The following EBAG9 variants were observed in gnomAD, a reference collection of about 807,000 sequenced individuals.
The protein encoded by EBAG9 is estrogen receptor binding site associated antigen 9, also known as receptor-binding cancer antigen expressed on SiSo cells.
EBAG9 carries 16 observed loss-of-function variants against 30.9 expected under a neutral mutation model. The ratio of observed to expected loss-of-function variants is 0.52; its 90% CI spans 0.35 to 0.79. The LOEUF (loss-of-function observed/expected upper bound fraction) is 0.79. Among genes scored for constraint, EBAG9 ranks in the 30% least tolerant of loss-of-function variants. The pLI, the probability that EBAG9 is intolerant of heterozygous loss-of-function variation, is 0.01. For missense variants in EBAG9, 197 were observed against 242.1 expected (o/e 0.81, Z 1.24); for synonymous variants, 93 against 82.8 (o/e 1.12, Z -0.67).
chr8:109,561,604 A>G (rs1821712003), intron 6 of EBAG9, among the ~76,000 whole-genome samples: 1 of 152,104 alleles, frequency 6.6e-6, no homozygotes, highest in Non-Finnish European at 1.5e-5. Flanking sequence ...TTTAAAAGTC[A>G]GATATTTAAA....
rs1476469178 is a variant in EBAG9, at chr8:109,553,865, A to G, written c.84A>G (p.Arg28=). 7 of 1,604,998 alleles carry G rather than the reference A, an allele frequency of 4.4e-6. No homozygotes were observed. The African/African-American group carries it at 5.4e-5, about 12-fold the overall frequency. ...ATAAATTATTTCATTTTTGTTTCAG[A>G]TCTGGCAGAGGACGGAAATTAAGTG... ...VFSFLKRLIC[R]SGRGRKLSGD... is the part of the protein sequence containing the mutation. The change falls in exon 3 of 7, where the codon AGA becomes AGG. Residue 28 remains arginine, a splice_region_variant and synonymous_variant. Coordinates refer to ENST00000337573, the MANE Select transcript of EBAG9 (RefSeq NM_004215.5).
chr8:109,563,559 T>C, intron 6 of EBAG9: 1 of 1,566,678 alleles, frequency 6.4e-7, no homozygotes, highest in East Asian at 2.2e-5. Flanking sequence ...AAAGTATGAT[T>C]AGTAAATACC....
intron 1 of EBAG9, among the ~76,000 whole-genome samples, chr8:109,547,063 G>T (rs964775991): frequency 1.3e-5 from 2 of 151,610 alleles, no homozygotes; most frequent in East Asian, 3.9e-4. Flanking sequence ...GTCCTGCTCT[G>T]TCACCAGGCT....
intron 1 of EBAG9, among the ~76,000 whole-genome samples, chr8:109,545,655 G>A (rs1056547410): frequency 2.0e-5 from 3 of 152,062 alleles, no homozygotes; most frequent in African/African-American, 7.2e-5. Context: ...GAGCCACCGC[G>A]CCCAGCATAG....
intron 2 of EBAG9, among the ~76,000 whole-genome samples, chr8:109,551,208 G>A (rs1189403700): frequency 6.6e-6 from 1 of 151,748 alleles, no homozygotes; most frequent in Admixed American, 6.6e-5. Context: ...GAACTTTGAT[G>A]TATTCGTTTC....
intron 1 of EBAG9, among the ~76,000 whole-genome samples, chr8:109,546,635 A>G (rs1187212657): frequency 6.6e-6 from 1 of 152,052 alleles, no homozygotes; most frequent in Non-Finnish European, 1.5e-5. Flanking sequence ...TTTTTTTGCA[A>G]TTTTTTTAGG....
intron 6 of EBAG9, chr8:109,563,645 T>A: frequency 8.8e-7 from 1 of 1,139,742 alleles, no homozygotes; most frequent in Non-Finnish European, 1.2e-6. Flanking sequence ...GTTACACAGG[T>A]AAACATGTGT....
At chr8:109,562,075 A>G (rs896047552) in intron 6 of EBAG9, among the ~76,000 whole-genome samples, 1 of 152,014 alleles carries the variant, frequency 6.6e-6, no homozygotes, top group East Asian at 1.9e-4. Context: ...AAAAAGATAA[A>G]TCATCTCTTT....
At chr8:109,552,947 C>G (rs12541569) in intron 2 of EBAG9, among the ~76,000 whole-genome samples, 18,778 of 152,116 alleles carry the variant, frequency 0.12, 1,292 homozygotes, top group South Asian at 0.28. Flanking sequence ...AGGAAAAACA[C>G]GCTTGTATCA....
At chr8:109,560,651 C>G (rs1821691680) in intron 5 of EBAG9, among the ~76,000 whole-genome samples, 187 bp from the exon 6 acceptor site, 1 of 152,164 alleles carries the variant, frequency 6.6e-6, no homozygotes, top group Non-Finnish European at 1.5e-5. Context: ...CACTGAAAGT[C>G]ATACATCAGT....
chr8:109,556,877 A>G (rs569999297), intron 4 of EBAG9, 58 bp from the exon 5 acceptor site: 23 of 882,642 alleles, frequency 2.6e-5, no homozygotes, highest in South Asian at 4.9e-5. Context: ...TTGGTTGTCT[A>G]TTTTTATGTA....
chr8:109,544,947 A>G (rs530081537), intron 1 of EBAG9, among the ~76,000 whole-genome samples: 2 of 152,342 alleles, frequency 1.3e-5, no homozygotes, highest in South Asian at 4.1e-4. Context: ...CAGTACATAT[A>G]TAGTATACAA....
intron 1 of EBAG9, among the ~76,000 whole-genome samples, chr8:109,550,045 A>G (rs563764018): frequency 2.6e-5 from 4 of 152,020 alleles, no homozygotes; most frequent in South Asian, 2.1e-4. Context: ...ATGCTATACA[A>G]TTTGCATTTA....
intron 1 of EBAG9, among the ~76,000 whole-genome samples, chr8:109,540,961 C>T (rs1821261380): frequency 6.6e-6 from 1 of 152,092 alleles, no homozygotes; most frequent in Non-Finnish European, 1.5e-5. Context: ...TTGAAAGGAC[C>T]TCTAGCAGTT....
chr8:109,562,377 AGAGT>A (rs1195244642), intron 6 of EBAG9, among the ~76,000 whole-genome samples: 3 of 152,118 alleles, frequency 2.0e-5, no homozygotes, highest in Non-Finnish European at 4.4e-5. Flanking sequence ...ACAGCTTGGG[AGAGT>A]GAGATTGTTA....
At chr8:109,552,477 A>G (rs1821513620) in intron 2 of EBAG9, among the ~76,000 whole-genome samples, 1 of 152,238 alleles carries the variant, frequency 6.6e-6, no homozygotes, top group African/African-American at 2.4e-5. Context: ...GAAATTCACC[A>G]GGTAAAGCAA....
At position 109,565,570 on chromosome 8, in the gene EBAG9, A is replaced by C. The variant is rs1174895184; in HGVS notation, c.*1011A>C. 6.6e-6 allele frequency: 1 copy of C among 152,118 alleles called. No individual in the cohort carries two copies. The highest frequency in any genetic ancestry group is 1.5e-5 in the Non-Finnish European group (1 of 67,970). The allele number at this position is 152,118 out of a possible 1,614,324, so 9.4% of individuals were successfully genotyped here. The stretch of plus-strand genomic sequence containing the variant: ...TTATGATGTTGATTGGCTCCAAAAT[A>C]GTCTTAAGGAAATAAATACTGGGTC... On this transcript the variant is annotated 3_prime_UTR_variant, in exon 7 of 7. Transcript: ENST00000337573.
chr8:109,546,907 T>A (rs1196175680), intron 1 of EBAG9, among the ~76,000 whole-genome samples: 1 of 152,238 alleles, frequency 6.6e-6, no homozygotes, highest in African/African-American at 2.4e-5. Flanking sequence ...TCTGTTGTAT[T>A]TATATACTAC....
intron 4 of EBAG9, 75 bp from the exon 5 acceptor site, chr8:109,556,860 A>G: frequency 1.5e-6 from 1 of 671,110 alleles, no homozygotes; most frequent in East Asian, 3.3e-5. Flanking sequence ...AGTAATTAGA[A>G]AATGTTTTGG....
Sources: allele counts gnomAD v4.1 joint callset (sites outside exome capture counted in the v4.1 genomes callset), GRCh38; gene constraint gnomAD v4.1.1; transcripts MANE v1.5; gene names NCBI Gene and HGNC (gene_info 2026-07-23, HGNC 2026-07-21).